The following ZMYND11 variants were observed in gnomAD, a reference collection of about 807,000 sequenced individuals.
ZMYND11 encodes the protein zinc finger MYND domain-containing protein 11.
A neutral mutation model predicts 84.9 loss-of-function variants in ZMYND11; 9 were observed. The observed-to-expected ratio is 0.11, with a 90% CI of 0.06 to 0.18. ZMYND11 has a LOEUF of 0.18. ZMYND11 is among the 10% of genes least tolerant of loss of function. ZMYND11 has a pLI of 1.00. For synonymous variants in ZMYND11, 250 were observed against 244.1 expected, an observed-to-expected ratio of 1.02 and a Z score of -0.23; for missense variants, 409 against 761.0, an observed-to-expected ratio of 0.54 and a Z score of 5.44.
intron 10 of ZMYND11, among the ~76,000 whole-genome samples, chr10:245,476 A>G (rs1162778583): frequency 6.6e-6 from 1 of 152,220 alleles, no homozygotes; most frequent in Non-Finnish European, 1.5e-5. Flanking sequence ...CTGTGATATC[A>G]TATATACTTA....
chr10:183,871 A>G (rs1329342962), intron 2 of ZMYND11, among the ~76,000 whole-genome samples: 1 of 152,166 alleles, frequency 6.6e-6, no homozygotes, highest in Non-Finnish European at 1.5e-5. Flanking sequence ...CTTCTTGTAC[A>G]TATCCTGCCC....
chr10:132,958 C>T (rs1413030494), upstream of ZMYND11, among the ~76,000 whole-genome samples: 2 of 152,186 alleles, frequency 1.3e-5, no homozygotes, highest in Non-Finnish European at 2.9e-5. Flanking sequence ...AACAGTATAG[C>T]TTTGTCATGT....
At chr10:247,674 C>CT (rs2131945127) in intron 12 of ZMYND11, among the ~76,000 whole-genome samples, 2 of 152,314 alleles carry the variant, frequency 1.3e-5, no homozygotes, top group South Asian at 4.1e-4. Context: ...AGCGTACATG[C>CT]TCCAAGTCTC....
chr10:189,261 T>C (rs541782065), intron 2 of ZMYND11, among the ~76,000 whole-genome samples: 1 of 152,354 alleles, frequency 6.6e-6, no homozygotes, highest in East Asian at 1.9e-4. Context: ...AAATTTCAAC[T>C]AGGTACACAT....
chr10:177,058 ACTAGT>A (rs1410531226), intron 1 of ZMYND11, among the ~76,000 whole-genome samples: 1 of 152,160 alleles, frequency 6.6e-6, no homozygotes, highest in Non-Finnish European at 1.5e-5. Flanking sequence ...TAGTCACATC[ACTAGT>A]CATGTACTGG....
At chr10:208,816 T>G (rs1453201177) in intron 2 of ZMYND11, among the ~76,000 whole-genome samples, 2 of 152,104 alleles carry the variant, frequency 1.3e-5, no homozygotes, top group Non-Finnish European at 2.9e-5. Flanking sequence ...AACATGCTAG[T>G]TTTGTCACCC....
rs1211998598 is a variant in ZMYND11 at position 249,034 on chromosome 10, G to A, written c.1632G>A (p.Lys544=). ...KCKEEFVEEI[K]KLATQHKQLI... ...AGGAAGAATTTGTAGAAGAAATCAA[G>A]AAGCTGGCAACACAGCACAAGCAAC... Residue 544 remains lysine, a synonymous_variant, in exon 14 of 15, where the codon AAG becomes AAA. Coordinates refer to ENST00000381604, the MANE Select transcript of ZMYND11 (RefSeq NM_001370100.5). 6.2e-7 allele frequency: 1 copy of A among 1,614,182 alleles called. No homozygotes were observed. Among genetic ancestry groups the A allele is most frequent in the Non-Finnish European group, 8.5e-7 (1 of 1,180,010 alleles).
chr10:218,059 C>G (rs757934620), intron 3 of ZMYND11, among the ~76,000 whole-genome samples: 2 of 152,106 alleles, frequency 1.3e-5, no homozygotes, highest in Non-Finnish European at 2.9e-5. Context: ...CAGTGTGAAC[C>G]AGTTTTAAAT....
At chr10:251,977 G>T (rs890263067) in intron 14 of ZMYND11, among the ~76,000 whole-genome samples, 4 of 152,190 alleles carry the variant, frequency 2.6e-5, no homozygotes, top group Admixed American at 2.6e-4. Flanking sequence ...AGAAGAATTT[G>T]AAATAGGGAG....
intron 4 of ZMYND11, among the ~76,000 whole-genome samples, chr10:232,610 C>G (rs1394443284): frequency 2.0e-5 from 3 of 152,180 alleles, no homozygotes; most frequent in Non-Finnish European, 4.4e-5. Context: ...CAGAGCAGTG[C>G]TTGAGAAGGG....
At chr10:196,843 A>G (rs771001393) in intron 2 of ZMYND11, among the ~76,000 whole-genome samples, 2 of 152,256 alleles carry the variant, frequency 1.3e-5, no homozygotes, top group African/African-American at 2.4e-5. Flanking sequence ...CTGGGGTAAG[A>G]GTAAAAGGGG....
chr10:160,810 T>C (rs1842781780), intron 1 of ZMYND11, among the ~76,000 whole-genome samples: 1 of 152,166 alleles, frequency 6.6e-6, no homozygotes, highest in Non-Finnish European at 1.5e-5. Context: ...ATCTTCATGC[T>C]CGACTTCTAA....
intron 3 of ZMYND11, among the ~76,000 whole-genome samples, chr10:219,346 A>C (rs1194783368): frequency 6.6e-6 from 1 of 152,218 alleles, no homozygotes; most frequent in Non-Finnish European, 1.5e-5. Flanking sequence ...AAAAAATTCA[A>C]GTGATGAATG....
chr10:160,949 CTTTTTTTT>C (rs57227207), intron 1 of ZMYND11, among the ~76,000 whole-genome samples: 22 of 102,232 alleles, frequency 2.2e-4, no homozygotes, highest in African/African-American at 7.3e-4. Context: ...AAATTACTTA[CTTTTTTTT>C]TTTTTTTTTT....
intron 1 of ZMYND11, 82 bp from the exon 2 acceptor site, chr10:179,912 G>T: frequency 1.3e-6 from 1 of 752,960 alleles, no homozygotes; most frequent in South Asian, 2.1e-5. Context: ...TAGTTGAGAG[G>T]TCCTGATAAT....
chr10:227,967 T>A (rs182690914), intron 4 of ZMYND11, among the ~76,000 whole-genome samples: 13 of 151,522 alleles, frequency 8.6e-5, no homozygotes, highest in Admixed American at 3.9e-4. Context: ...TAATCAAATA[T>A]TTTTACAATT....
rs370993519 is a variant in ZMYND11, at chr10:249,148, G to A, written c.1686+60G>A. The A allele has an allele frequency of 8.5e-5, 137 of 1,605,310 alleles. 1 individual carries two copies. Among genetic ancestry groups the A allele is most frequent in the Non-Finnish European group, 1.1e-4 (130 of 1,175,298 alleles). On this transcript the variant is annotated intron_variant, in intron 14 of 14. Coordinates refer to ENST00000381604, the MANE Select transcript of ZMYND11 (RefSeq NM_001370100.5). ...AAAATGTACCACAGGTATGATGCCC[G>A]TTAATTCAGAAGGTAGCTGTGGCAC...
chr10:220,841 G>A (rs537543982), intron 3 of ZMYND11, among the ~76,000 whole-genome samples: 6 of 152,274 alleles, frequency 3.9e-5, no homozygotes, highest in South Asian at 2.1e-4. Flanking sequence ...TTTGAAATGC[G>A]AAGCTATAGG....
At chr10:235,930 T>C (rs971801206) in intron 4 of ZMYND11, among the ~76,000 whole-genome samples, 7 of 152,264 alleles carry the variant, frequency 4.6e-5, no homozygotes, top group Non-Finnish European at 1.0e-4. Context: ...TTCTCAGTTA[T>C]GTGAGAAATA....
Sources: gnomAD v4.1 joint callset for allele counts (sites outside exome capture counted in the v4.1 genomes callset) on GRCh38, gnomAD v4.1.1 for gene constraint, MANE v1.5 for transcripts, NCBI Gene and HGNC (gene_info 2026-07-23, HGNC 2026-07-21) for gene names.